CNBD1: variants seen among roughly 807,000 people sequenced by gnomAD.
CNBD1 encodes the protein cyclic nucleotide-binding domain-containing protein 1.
Under a neutral mutation model 54.4 loss-of-function variants are expected in CNBD1, and 71 were observed. That is an observed-to-expected ratio of 1.30 (90% CI 1.08 to 1.59). CNBD1 has a LOEUF of 1.59. CNBD1 is among the 40% of genes most tolerant of loss of function. The probability of loss-of-function intolerance (pLI) is 0.00; values close to 1 mark genes in which losing one functional copy is unlikely to be tolerated. For synonymous variants in CNBD1, 182 were observed against 170.7 expected, an observed-to-expected ratio of 1.07 and a Z score of -0.51; for missense variants, 659 against 518.0, an observed-to-expected ratio of 1.27 and a Z score of -2.64.
chr8:86,905,251 C>A, intron 3 of CNBD1, 57 bp downstream of exon 3: 1 of 993,916 alleles, frequency 1.0e-6, no homozygotes, highest in South Asian at 1.4e-5. Flanking sequence ...TGTGCTTGTG[C>A]TCACACAAGT....
intron 1 of CNBD1, among the ~76,000 whole-genome samples, chr8:86,887,315 A>C (rs912233891): frequency 1.3e-5 from 2 of 152,198 alleles, no homozygotes; most frequent in East Asian, 3.8e-4. Flanking sequence ...GGAAATAAAA[A>C]AAAATGCCAG....
rs142570069 is a variant in CNBD1, at chr8:87,231,659, A to G, written c.578-5260A>G. The stretch of plus-strand genomic sequence containing the variant: ...TTTTTCTCTAGTTTTTTTCTCCACT[A>G]TATTTGCATAAGCTTCCATTTAATT... On this transcript the variant is annotated intron_variant, in intron 5 of 10. Transcript: ENST00000518476. 1.6e-3 allele frequency among the ~76,000 whole-genome samples: 249 copies of G among 152,260 alleles called. 1 individual carries two copies. The highest frequency in any genetic ancestry group is 5.8e-3 in the African/African-American group (240 of 41,554).
chr8:87,279,418 C>T (rs544341774), intron 6 of CNBD1, among the ~76,000 whole-genome samples: 38 of 151,324 alleles, frequency 2.5e-4, no homozygotes, highest in South Asian at 1.2e-3. Flanking sequence ...ATACATTAAA[C>T]GTAAACAGAC....
chr8:87,388,570 G>A (rs144784167), intron 2 of CNBD1, among the ~76,000 whole-genome samples: 2,874 of 152,110 alleles, frequency 0.019, 92 homozygotes, highest in African/African-American at 0.062. Context: ...GAATCTCTGA[G>A]TAGACCAATA....
At chr8:87,173,356 T>C (rs11989123) in intron 4 of CNBD1, among the ~76,000 whole-genome samples, 1 of 152,176 alleles carries the variant, frequency 6.6e-6, no homozygotes, top group Non-Finnish European at 1.5e-5. Context: ...TGTTTTTCTG[T>C]GTACTTACTA....
intron 3 of CNBD1, among the ~76,000 whole-genome samples, chr8:86,930,835 G>A (rs1218269846): frequency 6.6e-6 from 1 of 152,142 alleles, no homozygotes; most frequent in Non-Finnish European, 1.5e-5. Flanking sequence ...ACAATATCCT[G>A]TAATCCTTTA....
intron 10 of CNBD1, among the ~76,000 whole-genome samples, chr8:87,365,462 A>T (rs1228224126): frequency 6.6e-6 from 1 of 151,986 alleles, no homozygotes; most frequent in Non-Finnish European, 1.5e-5. Flanking sequence ...TTTAGCCCAT[A>T]AAAAAGCCAC....
At chr8:87,413,635 T>C (rs1397677612) in intron 2 of CNBD1, among the ~76,000 whole-genome samples, 2 of 152,120 alleles carry the variant, frequency 1.3e-5, no homozygotes, top group Non-Finnish European at 2.9e-5. Context: ...GACAAAGGGC[T>C]AATATCCAGA....
At chr8:87,173,658 T>C (rs1029787587) in intron 4 of CNBD1, among the ~76,000 whole-genome samples, 1 of 111,118 alleles carries the variant, frequency 9.0e-6, no homozygotes, top group Non-Finnish European at 1.8e-5. Context: ...AGCTCCATTA[T>C]ATGTTATTTT....
At chr8:87,155,784 C>T (rs1812721915) in intron 4 of CNBD1, among the ~76,000 whole-genome samples, 1 of 152,130 alleles carries the variant, frequency 6.6e-6, no homozygotes, top group Non-Finnish European at 1.5e-5. Context: ...ATTCGTGGTA[C>T]TCAATGTCAT....
intron 4 of CNBD1, among the ~76,000 whole-genome samples, chr8:87,067,162 T>C (rs1472471956): frequency 6.6e-6 from 1 of 152,004 alleles, no homozygotes; most frequent in East Asian, 1.9e-4. Flanking sequence ...CTCAATTGTT[T>C]AGAGATAGAA....
intron 8 of CNBD1, among the ~76,000 whole-genome samples, chr8:87,300,353 A>T (rs541739034): frequency 2.5e-4 from 38 of 152,248 alleles, no homozygotes; most frequent in African/African-American, 8.4e-4. Flanking sequence ...TTTACAATAT[A>T]TAAAACCCCA....
At chr8:87,267,049 A>G (rs966307803) in intron 6 of CNBD1, among the ~76,000 whole-genome samples, 1 of 152,166 alleles carries the variant, frequency 6.6e-6, no homozygotes, top group Non-Finnish European at 1.5e-5. Context: ...TCATCCAGAG[A>G]TATTCTAAGT....
At chr8:87,276,311 A>G (rs2130862660) in intron 6 of CNBD1, among the ~76,000 whole-genome samples, 1 of 151,896 alleles carries the variant, frequency 6.6e-6, no homozygotes, top group East Asian at 1.9e-4. Flanking sequence ...TATTTAAGGG[A>G]AAAAATATCA....
chr8:86,935,894 A>G (rs1173521572), intron 3 of CNBD1, among the ~76,000 whole-genome samples: 10 of 152,068 alleles, frequency 6.6e-5, no homozygotes, highest in Admixed American at 6.6e-4. Flanking sequence ...CTGTAATCCT[A>G]GCACTTTGGG....
chr8:87,050,900 G>A (rs779789200), intron 4 of CNBD1, among the ~76,000 whole-genome samples: 1 of 152,152 alleles, frequency 6.6e-6, no homozygotes, highest in Admixed American at 6.5e-5. Flanking sequence ...CTGGCTGTAG[G>A]GGGTATTGTT....
intron 2 of CNBD1, among the ~76,000 whole-genome samples, chr8:87,412,756 A>T (rs1396973207): frequency 1.3e-5 from 2 of 152,092 alleles, no homozygotes; most frequent in Non-Finnish European, 2.9e-5. Context: ...TCCGAAGAAG[A>T]TTTGAGGAAC....
intron 4 of CNBD1, among the ~76,000 whole-genome samples, chr8:87,053,753 G>T (rs1352203971): frequency 6.6e-6 from 1 of 152,144 alleles, no homozygotes; most frequent in Non-Finnish European, 1.5e-5. Context: ...CAGGTATATG[G>T]ATCCTGGGAA....
intron 4 of CNBD1, among the ~76,000 whole-genome samples, chr8:87,020,792 C>T (rs943471554): frequency 2.0e-5 from 3 of 152,166 alleles, no homozygotes; most frequent in African/African-American, 7.2e-5. Flanking sequence ...TGTTTTATTT[C>T]CTTCCTTCTC....
Sources: allele counts gnomAD v4.1 joint callset (sites outside exome capture counted in the v4.1 genomes callset), GRCh38; gene constraint gnomAD v4.1.1; transcripts MANE v1.5; gene names NCBI Gene and HGNC (gene_info 2026-07-23, HGNC 2026-07-21).